TEX36: variants seen among roughly 807,000 people sequenced by gnomAD.
TEX36 encodes the protein testis-expressed protein 36.
A neutral mutation model predicts 13.6 loss-of-function variants in TEX36; 12 were observed. The ratio of observed to expected loss-of-function variants is 0.88; its 90% CI spans 0.56 to 1.43. The LOEUF (loss-of-function observed/expected upper bound fraction) is 1.43, where lower values mean the gene tolerates loss of function less well. TEX36 is among the 40% of genes most tolerant of loss of function. The probability of loss-of-function intolerance (pLI) is 0.00; values close to 1 mark genes in which losing one functional copy is unlikely to be tolerated. For synonymous variants in TEX36, 93 were observed against 83.0 expected (o/e 1.12, Z -0.65); for missense variants, 224 against 228.3 (o/e 0.98, Z 0.12).
chr10:125,585,723 C>A (rs772889784), intron 3 of TEX36, among the ~76,000 whole-genome samples: 1 of 152,222 alleles, frequency 6.6e-6, no homozygotes, highest in African/African-American at 2.4e-5. Context: ...CTTTTGTGTA[C>A]AGTCATGTTT....
intron 3 of TEX36, among the ~76,000 whole-genome samples, chr10:125,658,535 A>G (rs1846982202): frequency 6.6e-6 from 1 of 152,146 alleles, no homozygotes; most frequent in African/African-American, 2.4e-5. Context: ...AAATTAATAA[A>G]TATAAAGAAC....
intron 3 of TEX36, among the ~76,000 whole-genome samples, chr10:125,600,083 C>A (rs1846127596): frequency 6.6e-6 from 1 of 152,226 alleles, no homozygotes; most frequent in Non-Finnish European, 1.5e-5. Flanking sequence ...TTTATTTAGG[C>A]AGCAAACACA....
At chr10:125,586,633 TCCAAAAAAAAA>T (rs1203528156) in intron 3 of TEX36, among the ~76,000 whole-genome samples, 3 of 77,444 alleles carry the variant, frequency 3.9e-5, no homozygotes, top group African/African-American at 1.7e-4. Flanking sequence ...CTACTAAAAA[TCCAAAAAAAAA>T]AAAAAAAAAA....
At chr10:125,638,592 CAA>C (rs966833045) in intron 3 of TEX36, among the ~76,000 whole-genome samples, 28 of 151,750 alleles carry the variant, frequency 1.8e-4, no homozygotes, top group African/African-American at 6.0e-4. Flanking sequence ...AACAAACAAA[CAA>C]AAAAAAATTT....
chr10:125,669,184 G>A (rs560553642), intron 1 of TEX36, among the ~76,000 whole-genome samples: 13 of 152,252 alleles, frequency 8.5e-5, no homozygotes, highest in East Asian at 5.8e-4. Context: ...CCAGCTACTC[G>A]GGAGGCTGAG....
rs756055562 is a variant in TEX36 at position 125,661,854 on chromosome 10, G to A, written c.175C>T (p.Arg59Trp). ...EGKLPPIYKV[R>W]EKQAVNNQFP... ...CAGTGTTCAGGACTCACCTTCTCCCGGACTTTGTATATGGGCGGCAGCTTC... is the reference window on the plus strand; with the variant it reads ...CAGTGTTCAGGACTCACCTTCTCCCAGACTTTGTATATGGGCGGCAGCTTC... The change falls in exon 2 of 4, where the codon CGG becomes TGG. Residue 59 changes from arginine (R) to tryptophan (W), a missense_variant. Transcript: ENST00000368821. 2 of 1,551,834 alleles carry A rather than the reference G, an allele frequency of 1.3e-6. No individual in the cohort carries two copies. Among genetic ancestry groups the A allele is most frequent in the Non-Finnish European group, 8.7e-7 (1 of 1,147,008 alleles).
intron 1 of TEX36, among the ~76,000 whole-genome samples, chr10:125,668,522 A>G (rs2133603772): frequency 6.6e-6 from 1 of 152,200 alleles, no homozygotes; most frequent in African/African-American, 2.4e-5. Flanking sequence ...TTAATAAAAG[A>G]TCTCCACAGA....
intron 3 of TEX36, among the ~76,000 whole-genome samples, chr10:125,644,563 G>A (rs571124467): frequency 2.0e-5 from 3 of 152,216 alleles, no homozygotes; most frequent in East Asian, 1.9e-4. Flanking sequence ...ACACATACAC[G>A]CACACGTAAA....
chr10:125,582,169 G>A (rs1845891288), intron 3 of TEX36, among the ~76,000 whole-genome samples: 1 of 152,246 alleles, frequency 6.6e-6, no homozygotes. Context: ...TCCCGCAGGG[G>A]TGGGGTGGAG....
At chr10:125,587,499 T>C (rs1282760672) in intron 3 of TEX36, among the ~76,000 whole-genome samples, 1 of 152,160 alleles carries the variant, frequency 6.6e-6, no homozygotes, top group Non-Finnish European at 1.5e-5. Context: ...TTAGAGACAC[T>C]TTATACAGGC....
intron 3 of TEX36, among the ~76,000 whole-genome samples, chr10:125,649,116 T>C (rs186929513): frequency 7.2e-5 from 11 of 152,224 alleles, no homozygotes; most frequent in East Asian, 5.8e-4. Context: ...CCCAACCTAG[T>C]GAGGCAGGCC....
downstream of TEX36, among the ~76,000 whole-genome samples, chr10:125,619,707 C>T (rs1347131013): frequency 6.6e-6 from 1 of 151,928 alleles, no homozygotes; most frequent in Non-Finnish European, 1.5e-5. Flanking sequence ...CAGGCGCACA[C>T]CACCATGCCC....
At chr10:125,658,530 AATAAAT>A (rs1162216569) in intron 3 of TEX36, among the ~76,000 whole-genome samples, 1 of 152,166 alleles carries the variant, frequency 6.6e-6, no homozygotes, top group African/African-American at 2.4e-5. Context: ...GTCCTAAATT[AATAAAT>A]ATAAAGAACT....
In TEX36 at chr10:125,645,238, C is replaced by T. The variant is rs548597988; in HGVS notation, c.264+15783G>A. 3.9e-5 allele frequency among the ~76,000 whole-genome samples: 6 copies of T among 152,264 alleles called. 1 individual carries two copies. The highest frequency in any genetic ancestry group is 1.4e-4 in the African/African-American group (6 of 41,554). On this transcript the variant is annotated intron_variant, in intron 3 of 3. Coordinates refer to the TEX36 transcript ENST00000526819. ...CAGTACTATAGTTTTAATATTTTCC[C>T]TCCAAAATTCATGTTAACACTTAAT...
At chr10:125,649,340 G>T (rs1017493975) in intron 3 of TEX36, among the ~76,000 whole-genome samples, 2 of 152,300 alleles carry the variant, frequency 1.3e-5, no homozygotes, top group African/African-American at 2.4e-5. Context: ...AAGAGAGTGG[G>T]GGGCCAATAT....
intron 3 of TEX36, among the ~76,000 whole-genome samples, chr10:125,611,672 CT>C (rs1369601841): frequency 1.3e-5 from 2 of 151,352 alleles, no homozygotes; most frequent in Non-Finnish European, 2.9e-5. Flanking sequence ...TTGCCTTTTA[CT>C]TTTGCATATG....
chr10:125,659,933 G>A (rs1231602571), intron 3 of TEX36, among the ~76,000 whole-genome samples: 2 of 152,128 alleles, frequency 1.3e-5, no homozygotes, highest in African/African-American at 4.8e-5. Flanking sequence ...TGTGCAGTCT[G>A]GTAGCCCCTA....
intron 3 of TEX36, among the ~76,000 whole-genome samples, chr10:125,583,941 C>G (rs1448285002): frequency 6.6e-6 from 1 of 152,204 alleles, no homozygotes; most frequent in Non-Finnish European, 1.5e-5. Context: ...CTCTCCCCAC[C>G]ACCCCCAAAT....
chr10:125,585,532 C>T (rs935873704), intron 3 of TEX36, among the ~76,000 whole-genome samples: 1 of 152,172 alleles, frequency 6.6e-6, no homozygotes, highest in South Asian at 2.1e-4. Context: ...TCCTCTACCC[C>T]AAAGCTAGCC....
Sources: allele counts gnomAD v4.1 joint callset (sites outside exome capture counted in the v4.1 genomes callset), GRCh38; gene constraint gnomAD v4.1.1; transcripts MANE v1.5; gene names NCBI Gene and HGNC (gene_info 2026-07-23, HGNC 2026-07-21).